Variants in ZNF462 observed in about 807,000 individuals in gnomAD.
ZNF462 encodes zinc finger PBX1-interacting protein.
In ZNF462, 10 loss-of-function variants were observed where a neutral mutation model predicts 201.9. The observed-to-expected ratio is 0.05, with a 90% CI of 0.03 to 0.08. The LOEUF is 0.08. ZNF462 is among the 10% of genes least tolerant of loss of function. The probability of loss-of-function intolerance (pLI) is 1.00; values close to 1 mark genes in which losing one functional copy is unlikely to be tolerated. For missense variants in ZNF462, 2,523 were observed against 3,168.3 expected, an observed-to-expected ratio of 0.80 and a Z score of 4.89; for synonymous variants, 1,227 against 1,193.3, an observed-to-expected ratio of 1.03 and a Z score of -0.58.
At position 106,924,877 on chromosome 9, in the gene ZNF462, G is replaced by T. The variant is rs149085415; in HGVS notation, c.965G>T (p.Gly322Val). ...IPNTTVSNFRGSMGNSIMRPN... is the reference protein window; with the variant it reads ...IPNTTVSNFRVSMGNSIMRPN... ...AATACTACCGTCTCCAACTTCAGGG[G>T]CTCCATGGGCAACTCCATCATGAGA... The change falls in exon 3 of 13, where the codon GGC (glycine) becomes GTC (valine). Residue 322 changes from glycine to valine, a missense_variant. Coordinates refer to ENST00000277225, the MANE Select transcript of ZNF462 (RefSeq NM_021224.6). The surrounding 1 kb of genome is among the most constrained non-coding windows in gnomAD (Gnocchi z 6.2). 3 of 1,614,136 alleles carry T rather than the reference G, an allele frequency of 1.9e-6. No individual in the cohort carries two copies. The African/African-American group carries it at 4.0e-5, about 22-fold the overall frequency.
intron 5 of ZNF462, among the ~76,000 whole-genome samples, chr9:106,934,391 A>G (rs1830545740): frequency 6.6e-6 from 1 of 152,170 alleles, no homozygotes; most frequent in Non-Finnish European, 1.5e-5. Context: ...TGATTGAAGG[A>G]ATGGATTTGC....
chr9:106,919,459 T>C lies in ZNF462; in HGVS notation c.-30-3895T>C, dbSNP rs1460420411. On this transcript the variant is annotated intron_variant, in intron 1 of 12. Coordinates refer to ENST00000277225, the MANE Select transcript of ZNF462 (RefSeq NM_021224.6). This position sits in a 1 kb window ranked among gnomAD's most constrained non-coding sequence, Gnocchi z 4.5. ...TAAATTAAAATTGGTGTTCTTAAGATTGAAAATGAGCAGGCTTTGTCCATA... is the reference window on the plus strand; with the variant it reads ...TAAATTAAAATTGGTGTTCTTAAGACTGAAAATGAGCAGGCTTTGTCCATA... Among the ~76,000 whole-genome samples, 3 of 152,216 alleles carry C rather than the reference T, an allele frequency of 2.0e-5. No homozygotes were observed. The highest frequency in any genetic ancestry group is 7.2e-5 in the African/African-American group (3 of 41,460).
Position 106,915,082 on chromosome 9 carries a change from C to CTTG in ZNF462, c.-30-8272_-30-8271insTTG, listed in dbSNP as rs1405725647. 6.3e-3 allele frequency among the ~76,000 whole-genome samples: 953 copies of CTTG among 152,102 alleles called. 7 individuals carry two copies. The highest frequency in any genetic ancestry group is 0.018 in the Admixed American group (277 of 15,288). Reference sequence around the variant, plus strand: ...TTTAACAAAATGATCAAAGTAAGGGCCTCAAAAGACTTGCTCTCAAGGTGA... The same window carrying CTTG: ...TTTAACAAAATGATCAAAGTAAGGGCTTGCTCAAAAGACTTGCTCTCAAGGTGA... On this transcript the variant is annotated intron_variant, in intron 1 of 12. Coordinates refer to ENST00000277225, the MANE Select transcript of ZNF462 (RefSeq NM_021224.6).
Position 106,894,295 on chromosome 9 carries a change from C to T in ZNF462, c.-30-29059C>T, listed in dbSNP as rs753190543. Among the ~76,000 whole-genome samples, 300 of 152,190 alleles carry T rather than the reference C, an allele frequency of 2.0e-3. 2 individuals are homozygous for T. Among genetic ancestry groups the T allele is most frequent in the Non-Finnish European group, 2.7e-3 (186 of 68,026 alleles). ...AGCTGGCTCAGCTCTGGGGTTGGTG[C>T]ATTCTGTAAATGATCAGTTTGACAG... On this transcript the variant is annotated intron_variant, in intron 1 of 12. Transcript: ENST00000277225.
intron 1 of ZNF462, among the ~76,000 whole-genome samples, chr9:106,868,955 A>G (rs888116765): frequency 1.9e-4 from 29 of 152,158 alleles, no homozygotes; most frequent in African/African-American, 6.8e-4. Context: ...CCAGAGCCCA[A>G]TTTTGTTCAT....
Position 106,970,010 on chromosome 9 carries a change from T to A in ZNF462, c.6428-1995T>A, listed in dbSNP as rs1270020350. On this transcript the variant is annotated intron_variant, in intron 7 of 12. Coordinates refer to ENST00000277225, the MANE Select transcript of ZNF462 (RefSeq NM_021224.6). This position sits in a 1 kb window ranked among gnomAD's most constrained non-coding sequence, Gnocchi z 4.2. ...CAGAAACTAGACTTGAGGGCTTAAA[T>A]AGAAAACATCTCAAACAATCCATGA... 6.6e-6 allele frequency among the ~76,000 whole-genome samples: 1 copy of A among 152,122 alleles called. No homozygotes were observed. The highest frequency in any genetic ancestry group is 1.5e-5 in the Non-Finnish European group (1 of 68,008).
Position 106,984,898 on chromosome 9 carries a change from G to A in ZNF462, c.7056+489G>A, listed in dbSNP as rs1827717240. Reference sequence around the variant, plus strand: ...TTGTGGCAATTAAGAAAGCAGCCATGCTGGAGTTCAAGACCAGCCTGGGCA... The same window carrying A: ...TTGTGGCAATTAAGAAAGCAGCCATACTGGAGTTCAAGACCAGCCTGGGCA... On this transcript the variant is annotated intron_variant, in intron 10 of 12. Coordinates refer to ENST00000277225, the MANE Select transcript of ZNF462 (RefSeq NM_021224.6). The surrounding 1 kb of genome is among the most constrained non-coding windows in gnomAD (Gnocchi z 6.4). Among the ~76,000 whole-genome samples, 1 of 152,124 alleles carries A rather than the reference G, an allele frequency of 6.6e-6. No homozygotes were observed. The highest frequency in any genetic ancestry group is 2.4e-5 in the African/African-American group (1 of 41,432).
intron 1 of ZNF462, among the ~76,000 whole-genome samples, chr9:106,867,983 C>G (rs1340988397): frequency 6.6e-6 from 1 of 151,402 alleles, no homozygotes; most frequent in Non-Finnish European, 1.5e-5. Flanking sequence ...TGCTAAGGAT[C>G]TAACATGAAT....
rs1307172076 is a variant in ZNF462 at position 106,985,000 on chromosome 9, A to G, written c.7056+591A>G. ...GTGGTGTGCACCTGTGGTCCCAACT[A>G]CTTGGGAGGCTGAGGAGGGAGGATC... On this transcript the variant is annotated intron_variant, in intron 10 of 12. Coordinates refer to ENST00000277225, the MANE Select transcript of ZNF462 (RefSeq NM_021224.6). The surrounding 1 kb of genome is among the most constrained non-coding windows in gnomAD (Gnocchi z 6.4). Among the ~76,000 whole-genome samples, 1 of 152,144 alleles carries G rather than the reference A, an allele frequency of 6.6e-6. No homozygotes were observed. The highest frequency in any genetic ancestry group is 1.5e-5 in the Non-Finnish European group (1 of 68,022).
At chr9:106,899,842 T>C (rs939133755) in intron 1 of ZNF462, among the ~76,000 whole-genome samples, 1 of 152,086 alleles carries the variant, frequency 6.6e-6, no homozygotes, top group Non-Finnish European at 1.5e-5. Context: ...TTTAATTTTA[T>C]TTAATTGTTT....
intron 1 of ZNF462, among the ~76,000 whole-genome samples, chr9:106,875,418 A>C (rs1827787430): frequency 6.6e-6 from 1 of 152,238 alleles, no homozygotes; most frequent in African/African-American, 2.4e-5. Flanking sequence ...AAGTCGATTG[A>C]ATATGATTCA....
At position 106,925,043 on chromosome 9, in the gene ZNF462, G is replaced by A; in HGVS notation, c.1131G>A (p.Leu377=). 1 of 1,614,146 alleles carries A rather than the reference G, an allele frequency of 6.2e-7. No individual in the cohort carries two copies. Among genetic ancestry groups the A allele is most frequent in the Non-Finnish European group, 8.5e-7 (1 of 1,180,034 alleles). ...MTDMTNSSAD[L]ETNSMLNDSS... ...ACATGACCAATTCTTCTGCTGACCTGGAAACTAACAGCATGCTAAATGACT... is the reference window on the plus strand; with the variant it reads ...ACATGACCAATTCTTCTGCTGACCTAGAAACTAACAGCATGCTAAATGACT... Residue 377 remains leucine, a synonymous_variant, in exon 3 of 13, where the codon CTG becomes CTA. Transcript: ENST00000277225. This position sits in a 1 kb window ranked among gnomAD's most constrained non-coding sequence, Gnocchi z 7.9.
intron 1 of ZNF462, among the ~76,000 whole-genome samples, chr9:106,909,576 T>C (rs1232391258): frequency 6.6e-6 from 1 of 152,176 alleles, no homozygotes; most frequent in African/African-American, 2.4e-5. Flanking sequence ...AGAAAATCAT[T>C]TTTTATTACT....
intron 7 of ZNF462, among the ~76,000 whole-genome samples, chr9:106,939,536 G>T (rs754975343): frequency 2.6e-5 from 4 of 152,200 alleles, no homozygotes; most frequent in Non-Finnish European, 5.9e-5. Flanking sequence ...TTCAGAGTAG[G>T]AGTGCAAAGG....
At chr9:106,903,517 C>T (rs1176612499) in intron 1 of ZNF462, among the ~76,000 whole-genome samples, 3 of 152,090 alleles carry the variant, frequency 2.0e-5, no homozygotes, top group Non-Finnish European at 4.4e-5. Flanking sequence ...CTAGTACTGT[C>T]AGTGTAATAT....
chr9:106,903,520 T>C (rs1225612474), intron 1 of ZNF462, among the ~76,000 whole-genome samples: 2 of 152,182 alleles, frequency 1.3e-5, no homozygotes, highest in Admixed American at 1.3e-4. Context: ...GTACTGTCAG[T>C]GTAATATTGA....
chr9:107,007,367 G>A (rs1829620718), intron 11 of ZNF462, among the ~76,000 whole-genome samples: 1 of 152,110 alleles, frequency 6.6e-6, no homozygotes, highest in South Asian at 2.1e-4. Flanking sequence ...TTGGCACTGT[G>A]GCATTACACT....
rs377746677 is a variant in ZNF462, at chr9:106,929,451, C to G, written c.5539C>G (p.Arg1847Gly). ...EAQEIEWLPF[R>G]CIKCFKLSFS... is the part of the protein sequence containing the mutation. ...TCAGGAAATCGAGTGGCTCCCATTC[C>G]GCTGCATCAAATGCTTCAAGCTGTC... is the stretch of plus-strand genomic sequence containing the variant. The change falls in exon 3 of 13, where the codon CGC becomes GGC. Residue 1847 changes from arginine (R) to glycine (G), a missense_variant. Transcript: ENST00000277225. This position sits in a 1 kb window ranked among gnomAD's most constrained non-coding sequence, Gnocchi z 8.7. 1 of 1,614,048 alleles carries G rather than the reference C, an allele frequency of 6.2e-7. No homozygotes were observed. Among genetic ancestry groups the G allele is most frequent in the Non-Finnish European group, 8.5e-7 (1 of 1,180,020 alleles).
chr9:106,957,467 A>C (rs1831632402), intron 7 of ZNF462, among the ~76,000 whole-genome samples: 1 of 152,180 alleles, frequency 6.6e-6, no homozygotes, highest in Admixed American at 6.5e-5. Flanking sequence ...TGACACGGAC[A>C]CAGGAAATGA....
Sources: allele counts gnomAD v4.1 joint callset (sites outside exome capture counted in the v4.1 genomes callset), GRCh38; gene constraint gnomAD v4.1.1; non-coding constraint Gnocchi (gnomAD v3.1); transcripts MANE v1.5; gene names NCBI Gene and HGNC (gene_info 2026-07-23, HGNC 2026-07-21).